Variants in SCUBE3 observed in about 807,000 individuals in gnomAD.
The protein encoded by SCUBE3 is signal peptide, CUB and EGF-like domain-containing protein 3.
In SCUBE3, 33 loss-of-function variants were observed where a neutral mutation model predicts 116.8. The ratio of observed to expected loss-of-function variants is 0.28; its 90% CI spans 0.21 to 0.38. The LOEUF (loss-of-function observed/expected upper bound fraction) is 0.38. SCUBE3 is among the 10% of genes least tolerant of loss of function. The pLI is 1.00. For synonymous variants in SCUBE3, 418 were observed against 496.9 expected (o/e 0.84, Z 2.11); for missense variants, 1,007 against 1,324.8 (o/e 0.76, Z 3.72).
intron 2 of SCUBE3, 84 bp downstream of exon 2, chr6:35,227,786 T>A: frequency 7.1e-7 from 1 of 1,407,106 alleles, no homozygotes; most frequent in Non-Finnish European, 9.9e-7. Context: ...CCACTCTCCA[T>A]CACATCAAGG....
chr6:35,237,954 G>A lies in SCUBE3; in HGVS notation c.765G>A (p.Ala255=), dbSNP rs182403839. 73 of 1,613,370 alleles carry A rather than the reference G, an allele frequency of 4.5e-5. No individual in the cohort carries two copies. The Admixed American group carries it at 8.0e-4, about 18-fold the overall frequency. Residue 255 remains alanine (A), a synonymous_variant, in exon 7 of 22, where the codon GCG becomes GCA. Coordinates refer to ENST00000274938, the MANE Select transcript of SCUBE3 (RefSeq NM_152753.4). ...GTGACAGTAAGTGCCATGATGCAGC[G>A]ACTGGTGTCCACTGCACCTGCCCTG... The part of the protein sequence containing the change: ...GGCDSKCHDA[A]TGVHCTCPVG...
chr6:35,216,172 G>A (rs772816232), intron 1 of SCUBE3, among the ~76,000 whole-genome samples: 3 of 152,226 alleles, frequency 2.0e-5, no homozygotes, highest in Non-Finnish European at 2.9e-5. Context: ...ACCCCTCCAA[G>A]GGACAGGTGC....
rs79384344 is a variant in SCUBE3, at chr6:35,227,048, G to A, written c.86-532G>A. On this transcript the variant is annotated intron_variant, in intron 1 of 21. Transcript: ENST00000274938. Reference sequence around the variant, plus strand: ...GAACATTTTTCCTCTAAAGCTTCTTGGCTCCATGGTGGGCAAGTGGAAGCA... The same window carrying A: ...GAACATTTTTCCTCTAAAGCTTCTTAGCTCCATGGTGGGCAAGTGGAAGCA... 2.5e-4 allele frequency among the ~76,000 whole-genome samples: 38 copies of A among 152,218 alleles called. No homozygotes were observed. The East Asian group carries it at 4.1e-3, about 16-fold the overall frequency.
In SCUBE3 at chr6:35,241,668, G is replaced by C. The variant is rs1784059301; in HGVS notation, c.1312+9G>C. The C allele has an allele frequency of 6.3e-7, 1 of 1,590,246 alleles. No individual in the cohort carries two copies. Among genetic ancestry groups the C allele is most frequent in the African/African-American group, 1.3e-5 (1 of 74,594 alleles). ...GGCCCGATTTTTGCCAGGTACATGG[G>C]AGGAGGGTGCTGGAGAGCTTTGGAG... is the stretch of plus-strand genomic sequence containing the variant. On this transcript the variant is annotated intron_variant, in intron 11 of 21. Coordinates refer to ENST00000274938, the MANE Select transcript of SCUBE3 (RefSeq NM_152753.4). This position sits in a 1 kb window ranked among gnomAD's most constrained non-coding sequence, Gnocchi z 4.1.
At position 35,252,838 on chromosome 6, in the gene SCUBE3, A is replaced by G. The variant is rs1397255266; in HGVS notation, c.*4133A>G. 1 of 152,240 alleles carries G rather than the reference A, an allele frequency of 6.6e-6. No individual in the cohort carries two copies. The highest frequency in any genetic ancestry group is 2.4e-5 in the African/African-American group (1 of 41,468). 9.4% of individuals were successfully genotyped at this position (152,240 alleles called of 1,614,324 possible). ...GCTGAACTCAAGTTTCAGAATAATCATCGCCATGTGGGAGGCTTTTTGTTA... is the reference window on the plus strand; with the variant it reads ...GCTGAACTCAAGTTTCAGAATAATCGTCGCCATGTGGGAGGCTTTTTGTTA... On this transcript the variant is annotated 3_prime_UTR_variant, in exon 22 of 22. Coordinates refer to ENST00000274938, the MANE Select transcript of SCUBE3 (RefSeq NM_152753.4).
chr6:35,236,140 G>A (rs1258667465), intron 6 of SCUBE3, among the ~76,000 whole-genome samples: 1 of 152,206 alleles, frequency 6.6e-6, no homozygotes, highest in East Asian at 1.9e-4. Flanking sequence ...TTGAGATAGT[G>A]CATGTAGAGC....
At chr6:35,220,479 A>C (rs1458614454) in intron 1 of SCUBE3, 1 of 152,122 alleles carries the variant, frequency 6.6e-6, no homozygotes, top group Non-Finnish European at 1.5e-5. Context: ...TCACTCTACA[A>C]TGTTCTGTTC....
chr6:35,217,395 A>G (rs1256043918), intron 1 of SCUBE3, among the ~76,000 whole-genome samples: 1 of 151,436 alleles, frequency 6.6e-6, no homozygotes, highest in Non-Finnish European at 1.5e-5. Context: ...CTGGCCGTTT[A>G]GTTTACCTGG....
In SCUBE3 at chr6:35,244,676, A is replaced by G. The variant is rs1232650867; in HGVS notation, c.2266A>G (p.Asn756Asp). The G allele has an allele frequency of 5.0e-6, 8 of 1,614,012 alleles. No homozygotes were observed. The highest frequency in any genetic ancestry group is 4.0e-5 in the African/African-American group (3 of 74,906). ...KVQCSPGHYY[N>D]TSIHRCIRCA... ...CCAGTGCTCCCCAGGGCACTACTAC[A>G]ACACCAGCATCCACCGCTGTATTCG... Residue 756 changes from asparagine (N) to aspartate (D), a missense_variant, in exon 18 of 22, where the codon AAC becomes GAC. This residue lies in a region of SCUBE3 where 544 missense variants were observed against 638.9 expected (regional missense o/e 0.85). Coordinates refer to ENST00000274938, the MANE Select transcript of SCUBE3 (RefSeq NM_152753.4). The surrounding 1 kb of genome is among the most constrained non-coding windows in gnomAD (Gnocchi z 4.3).
rs1041421181 is a variant in SCUBE3, at chr6:35,246,052, C to T, written c.2708C>T (p.Ala903Val). 1.2e-6 allele frequency: 2 copies of T among 1,614,018 alleles called. No individual in the cohort carries two copies. Among genetic ancestry groups the T allele is most frequent in the Non-Finnish European group, 1.7e-6 (2 of 1,180,034 alleles). The stretch of plus-strand genomic sequence containing the variant: ...TGGATCAACTTCAAGACAAGCGAGG[C>T]CAACAGCGCCCGTGGCTTCCAGATT... ...KLWINFKTSE[A>V]NSARGFQIPY... Residue 903 changes from alanine to valine, a missense_variant, in exon 20 of 22, where the codon GCC becomes GTC. Ala to Val is a moderately conservative substitution (Grantham distance 64). Transcript: ENST00000274938.
chr6:35,222,637 C>T (rs1481018812), intron 1 of SCUBE3: 1 of 152,240 alleles, frequency 6.6e-6, no homozygotes, highest in East Asian at 1.9e-4. Context: ...GGAGTGGGAT[C>T]TCCCTAGCCT....
Position 35,229,490 on chromosome 6 carries a change from T to C in SCUBE3, c.334+751T>C, listed in dbSNP as rs1247895069. On this transcript the variant is annotated intron_variant, in intron 3 of 21. Coordinates refer to ENST00000274938, the MANE Select transcript of SCUBE3 (RefSeq NM_152753.4). ...ACAAGACAACATATGAAAAGAGCCC[T>C]GTACAATCCTTAGCACATGGTAGGA... Among the ~76,000 whole-genome samples, 6 of 152,274 alleles carry C rather than the reference T, an allele frequency of 3.9e-5. No individual in the cohort carries two copies. In the East Asian group the frequency reaches 9.7e-4, roughly 25 times the overall value.
chr6:35,246,063 C>T lies in SCUBE3; in HGVS notation c.2719C>T (p.Arg907Cys), dbSNP rs142335824. The change falls in exon 20 of 22, where the codon CGT (arginine) becomes TGT (cysteine). Residue 907 changes from arginine (R) to cysteine (C), a missense_variant. By Grantham distance (180) the Arg-to-Cys change is radical (BLOSUM62 -3). Coordinates refer to ENST00000274938, the MANE Select transcript of SCUBE3 (RefSeq NM_152753.4). Reference protein sequence around the residue: ...NFKTSEANSARGFQIPYVTYD... With the variant: ...NFKTSEANSACGFQIPYVTYD... ...CAAGACAAGCGAGGCCAACAGCGCC[C>T]GTGGCTTCCAGATTCCCTATGTTAC... 270 of 1,614,142 alleles carry T rather than the reference C, an allele frequency of 1.7e-4. No homozygotes were observed. The Admixed American group carries it at 2.0e-3, about 12-fold the overall frequency.
In SCUBE3 at chr6:35,239,891, A is replaced by T. The variant is rs771429270; in HGVS notation, c.952+17A>T. On this transcript the variant is annotated intron_variant, in intron 8 of 21. Coordinates refer to ENST00000274938, the MANE Select transcript of SCUBE3 (RefSeq NM_152753.4). This position sits in a 1 kb window ranked among gnomAD's most constrained non-coding sequence, Gnocchi z 4.1. The stretch of plus-strand genomic sequence containing the variant: ...ACTGCCAGGGTGAGCAGACTCAGCC[A>T]AAGGTGAAAGCCTTAGGAGAGGTTC... 1.1e-5 allele frequency: 17 copies of T among 1,588,716 alleles called. No individual in the cohort carries two copies. The South Asian group carries it at 2.0e-4, about 18-fold the overall frequency.
Position 35,214,528 on chromosome 6 carries a change from T to TG in SCUBE3, c.85+30dup, listed in dbSNP as rs1208802255. On this transcript the variant is annotated intron_variant, in intron 1 of 21. Coordinates refer to ENST00000274938, the MANE Select transcript of SCUBE3 (RefSeq NM_152753.4). The surrounding 1 kb of genome is among the most constrained non-coding windows in gnomAD (Gnocchi z 6.3). ...GGTAAGGAAGGAGGGGCGCGCGGCC[T>TG]GGGGGCTGTCCTGGCTGCTGGGCCT... The TG allele has an allele frequency of 4.9e-6, 7 of 1,423,688 alleles. No individual in the cohort carries two copies. The highest frequency in any genetic ancestry group is 6.5e-6 in the Non-Finnish European group (7 of 1,076,880). The allele number at this position is 1,423,688 out of a possible 1,614,324, so 88.2% of individuals were successfully genotyped here. A position where few individuals can be genotyped will look rare whatever the true frequency, so the allele number is the denominator to read the frequency against.
At position 35,239,830 on chromosome 6, in the gene SCUBE3, G is replaced by C; in HGVS notation, c.908G>C (p.Cys303Ser). The C allele has an allele frequency of 6.2e-7, 1 of 1,611,400 alleles. No homozygotes were observed. Among genetic ancestry groups the C allele is most frequent in the Non-Finnish European group, 8.5e-7 (1 of 1,179,164 alleles). ...ACAGTGGGCAGCTTCGAATGCAGTT[G>C]CAAGAAAGGCTATAAGCTTCTCATC... Reference protein sequence around the residue: ...RNTVGSFECSCKKGYKLLINE... With the variant: ...RNTVGSFECSSKKGYKLLINE... The change falls in exon 8 of 22, where the codon TGC becomes TCC. Residue 303 changes from cysteine to serine, a missense_variant. Cys to Ser is a moderately radical substitution (Grantham distance 112). Around this residue, in one of 5 missense-constraint regions of SCUBE3, gnomAD observed 214 missense variants for 316.7 expected, o/e 0.68. Coordinates refer to ENST00000274938, the MANE Select transcript of SCUBE3 (RefSeq NM_152753.4). This position sits in a 1 kb window ranked among gnomAD's most constrained non-coding sequence, Gnocchi z 4.1.
At position 35,244,930 on chromosome 6, in the gene SCUBE3, T is replaced by G; in HGVS notation, c.2401+119T>G. The G allele has an allele frequency of 1.0e-6, 1 of 952,450 alleles. No individual in the cohort carries two copies. The highest frequency in any genetic ancestry group is 1.6e-6 in the Non-Finnish European group (1 of 620,212). 59.0% of individuals were successfully genotyped at this position (952,450 alleles called of 1,614,324 possible). A position where few individuals can be genotyped will look rare whatever the true frequency, so the allele number is the denominator to read the frequency against. On this transcript the variant is annotated intron_variant, in intron 18 of 21. Transcript: ENST00000274938. The surrounding 1 kb of genome is among the most constrained non-coding windows in gnomAD (Gnocchi z 4.3). ...CTGGGGGGTGGAGGAGCAGGAAAAC[T>G]CCACCTTCCACCTCTCCCCAACTCA...
chr6:35,225,972 G>A (rs1783305573), intron 1 of SCUBE3, among the ~76,000 whole-genome samples: 2 of 152,328 alleles, frequency 1.3e-5, no homozygotes, highest in African/African-American at 2.4e-5. Flanking sequence ...GGGATCACAG[G>A]AGAGTAATGC....
Position 35,231,832 on chromosome 6 carries a change from C to A in SCUBE3, c.442C>A (p.Gln148Lys), listed in dbSNP as rs1783563826. ...GGAAGGCTTCTTCCTCAGCGACAAC[C>A]AGCATACCTGTATCCAGCGGCCAGA... The part of the protein sequence containing the change: ...CREGFFLSDN[Q>K]HTCIQRPEEG... The change falls in exon 4 of 22, where the codon CAG (glutamine) becomes AAG (lysine). Residue 148 changes from glutamine (Q) to lysine (K), a missense_variant. By Grantham distance (53) the Gln-to-Lys change is moderately conservative. Transcript: ENST00000274938. The surrounding 1 kb of genome is among the most constrained non-coding windows in gnomAD (Gnocchi z 4.2). 6.2e-7 allele frequency: 1 copy of A among 1,613,278 alleles called. No homozygotes were observed. Among genetic ancestry groups the A allele is most frequent in the Non-Finnish European group, 8.5e-7 (1 of 1,179,386 alleles).
Sources: allele counts gnomAD v4.1 joint callset (sites outside exome capture counted in the v4.1 genomes callset), GRCh38; gene constraint gnomAD v4.1.1; regional missense constraint gnomAD v4.1.1; non-coding constraint Gnocchi (gnomAD v3.1); transcripts MANE v1.5; gene names NCBI Gene and HGNC (gene_info 2026-07-23, HGNC 2026-07-21).